Variants in MACROD2 observed in about 807,000 individuals in gnomAD.
The protein encoded by MACROD2 is ADP-ribose glycohydrolase MACROD2.
MACROD2 carries 36 observed loss-of-function variants against 70.4 expected under a neutral mutation model. The observed-to-expected ratio is 0.51, with a 90% CI of 0.39 to 0.68. The LOEUF (loss-of-function observed/expected upper bound fraction) is 0.68. Ranked by LOEUF, MACROD2 falls within the 30% of genes least tolerant of loss-of-function variation. MACROD2 has a pLI of 0.00. For missense variants in MACROD2, 496 were observed against 538.4 expected, an observed-to-expected ratio of 0.92 and a Z score of 0.78; for synonymous variants, 172 against 178.8, an observed-to-expected ratio of 0.96 and a Z score of 0.30.
intron 8 of MACROD2, among the ~76,000 whole-genome samples, chr20:15,616,214 G>A (rs535798065): frequency 2.7e-5 from 4 of 148,992 alleles, no homozygotes; most frequent in African/African-American, 9.9e-5. Flanking sequence ...AGTGATTCTC[G>A]TGCCTCAGCC....
At chr20:14,474,416 T>A (rs540037627) in intron 3 of MACROD2, among the ~76,000 whole-genome samples, 48 of 152,324 alleles carry the variant, frequency 3.2e-4, no homozygotes, top group Middle Eastern at 6.8e-3. Flanking sequence ...TGGAAAATGT[T>A]CCATATGCTA....
chr20:15,344,853 T>G (rs1204317585), intron 6 of MACROD2, among the ~76,000 whole-genome samples: 1 of 152,208 alleles, frequency 6.6e-6, no homozygotes, highest in East Asian at 1.9e-4. Flanking sequence ...TTATTCCTAT[T>G]CCTCTCTGAT....
At chr20:14,216,387 C>T (rs2081622963) in intron 3 of MACROD2, among the ~76,000 whole-genome samples, 1 of 152,130 alleles carries the variant, frequency 6.6e-6, no homozygotes, top group African/African-American at 2.4e-5. Flanking sequence ...GTACCAGTAC[C>T]ACACTGTTTG....
At chr20:14,601,830 G>A (rs571869657) in intron 4 of MACROD2, among the ~76,000 whole-genome samples, 146 of 152,132 alleles carry the variant, frequency 9.6e-4, no homozygotes, top group Non-Finnish European at 1.7e-3. Flanking sequence ...TCTAGCTTAT[G>A]TCAATTAAAA....
chr20:14,395,012 A>G (rs2083566760), intron 3 of MACROD2, among the ~76,000 whole-genome samples: 1 of 152,054 alleles, frequency 6.6e-6, no homozygotes, highest in Non-Finnish European at 1.5e-5. Flanking sequence ...GATTTTTTAT[A>G]TATATTGATT....
chr20:15,196,880 G>T (rs968784327), intron 5 of MACROD2: 1 of 985,340 alleles, frequency 1.0e-6, no homozygotes, highest in Non-Finnish European at 1.2e-6. Flanking sequence ...CAGATGACAG[G>T]CTCAGGCCTT....
At chr20:14,582,216 A>G (rs1240897710) in intron 4 of MACROD2, among the ~76,000 whole-genome samples, 1 of 152,182 alleles carries the variant, frequency 6.6e-6, no homozygotes, top group Non-Finnish European at 1.5e-5. Context: ...CATCATAGGC[A>G]TGTTTTAGTG....
In MACROD2 at chr20:14,125,335, A is replaced by G. The variant is rs368886075; in HGVS notation, c.271+39607A>G. Among the ~76,000 whole-genome samples, 5 of 152,150 alleles carry G rather than the reference A, an allele frequency of 3.3e-5. No homozygotes were observed. The East Asian group carries it at 5.8e-4, about 18-fold the overall frequency. On this transcript the variant is annotated intron_variant, in intron 3 of 17. Transcript: ENST00000684519. ...GTTTTACCTCAGTAAAAAATAAGCA[A>G]ACTCACAGAATTTAGAGTGAAATTC...
At chr20:15,020,432 C>T (rs751526018) in intron 5 of MACROD2, among the ~76,000 whole-genome samples, 9 of 151,990 alleles carry the variant, frequency 5.9e-5, no homozygotes, top group African/African-American at 2.2e-4. Context: ...ATATTTGTTT[C>T]CTGAAGCCTG....
chr20:14,860,567 G>A (rs985650388), intron 5 of MACROD2, among the ~76,000 whole-genome samples: 7 of 152,106 alleles, frequency 4.6e-5, no homozygotes, highest in Non-Finnish European at 7.4e-5. Flanking sequence ...GTCTCTGTTT[G>A]CCTAATTGCA....
intron 3 of MACROD2, among the ~76,000 whole-genome samples, chr20:14,193,958 A>G (rs1356590677): frequency 1.3e-5 from 2 of 152,154 alleles, no homozygotes; most frequent in Non-Finnish European, 2.9e-5. Context: ...AATTTAGGGG[A>G]CAGAATTTTA....
intron 4 of MACROD2, among the ~76,000 whole-genome samples, chr20:14,586,276 A>G (rs1981370969): frequency 6.6e-6 from 1 of 151,752 alleles, no homozygotes; most frequent in African/African-American, 2.4e-5. Context: ...TGTACAATAT[A>G]TCTGTTAGCT....
chr20:15,363,113 CGTTT>C (rs2078372241), intron 6 of MACROD2, among the ~76,000 whole-genome samples: 1 of 152,166 alleles, frequency 6.6e-6, no homozygotes, highest in Non-Finnish European at 1.5e-5. Context: ...GTTATTCCTT[CGTTT>C]GTTTGTTTTC....
chr20:14,570,447 T>C (rs1179990273), intron 4 of MACROD2, among the ~76,000 whole-genome samples: 2 of 151,912 alleles, frequency 1.3e-5, no homozygotes, highest in Non-Finnish European at 2.9e-5. Context: ...CTTTATGATT[T>C]GTACAATTTG....
chr20:14,030,952 G>A (rs953489562), intron 2 of MACROD2, among the ~76,000 whole-genome samples: 5 of 152,148 alleles, frequency 3.3e-5, no homozygotes, highest in African/African-American at 1.2e-4. Context: ...TAGATATATC[G>A]TTTTCTTATC....
intron 5 of MACROD2, among the ~76,000 whole-genome samples, chr20:15,118,236 AG>A (rs1449213249): frequency 4.9e-5 from 7 of 142,134 alleles, no homozygotes; most frequent in Non-Finnish European, 1.1e-4. Context: ...CCCTGTTACC[AG>A]GCTGGAGTGC....
intron 10 of MACROD2, among the ~76,000 whole-genome samples, chr20:15,902,376 G>T (rs1318288688): frequency 6.6e-6 from 1 of 151,882 alleles, no homozygotes; most frequent in Non-Finnish European, 1.5e-5. Context: ...ACTCTCTTGG[G>T]GCTTTTATTC....
At chr20:15,574,855 C>A (rs927618495) in intron 8 of MACROD2, among the ~76,000 whole-genome samples, 1 of 152,110 alleles carries the variant, frequency 6.6e-6, no homozygotes. Context: ...TTTTGCTAGT[C>A]GCTTCATTTT....
At chr20:15,259,506 G>A (rs1320285306) in intron 6 of MACROD2, among the ~76,000 whole-genome samples, 1 of 151,960 alleles carries the variant, frequency 6.6e-6, no homozygotes, top group Non-Finnish European at 1.5e-5. Flanking sequence ...CATTTGTTGT[G>A]GTGATGGTTT....
Sources: gnomAD v4.1 joint callset for allele counts (sites outside exome capture counted in the v4.1 genomes callset) on GRCh38, gnomAD v4.1.1 for gene constraint, MANE v1.5 for transcripts, NCBI Gene and HGNC (gene_info 2026-07-23, HGNC 2026-07-21) for gene names.